The following ARPP21 variants were observed in gnomAD, a reference collection of about 807,000 sequenced individuals.
ARPP21 encodes cAMP regulated phosphoprotein 21, also known as cAMP-regulated phosphoprotein 21.
In ARPP21, 69 loss-of-function variants were observed where a neutral mutation model predicts 113.2. The observed-to-expected ratio is 0.61, with a 90% CI of 0.50 to 0.74. The LOEUF (loss-of-function observed/expected upper bound fraction) is 0.74. Among genes scored for constraint, ARPP21 ranks in the 30% least tolerant of loss-of-function variants. The pLI, the probability that ARPP21 is intolerant of heterozygous loss-of-function variation, is 0.00. For synonymous variants in ARPP21, 368 were observed against 375.5 expected, an observed-to-expected ratio of 0.98 and a Z score of 0.23; for missense variants, 1,070 against 1,037.4, an observed-to-expected ratio of 1.03 and a Z score of -0.43.
At chr3:35,773,544 A>G (rs2096268470) in intron 19 of ARPP21, among the ~76,000 whole-genome samples, 1 of 152,182 alleles carries the variant, frequency 6.6e-6, no homozygotes, top group Non-Finnish European at 1.5e-5. Flanking sequence ...CCCCTGAGAC[A>G]TCATTAGATG....
At chr3:35,765,322 A>G (rs2095927747) in intron 19 of ARPP21, among the ~76,000 whole-genome samples, 1 of 152,116 alleles carries the variant, frequency 6.6e-6, no homozygotes, top group Admixed American at 6.6e-5. Flanking sequence ...AGTGATAGCA[A>G]AGCTTGTTAG....
chr3:35,662,100 T>G (rs899700473), intron 1 of ARPP21, among the ~76,000 whole-genome samples: 2 of 152,146 alleles, frequency 1.3e-5, no homozygotes. Context: ...TAGGATGAGA[T>G]TTCAGGTGTA....
intron 15 of ARPP21, among the ~76,000 whole-genome samples, chr3:35,734,870 T>G (rs2150612957): frequency 6.6e-6 from 1 of 152,222 alleles, no homozygotes; most frequent in East Asian, 1.9e-4. Context: ...CTTAATAAAT[T>G]TTTGCGTATA....
chr3:35,777,519 C>G (rs1241223984), intron 19 of ARPP21, among the ~76,000 whole-genome samples: 1 of 152,184 alleles, frequency 6.6e-6, no homozygotes, highest in African/African-American at 2.4e-5. Flanking sequence ...TTAAATATCA[C>G]TTCATACTAT....
chr3:35,691,937 C>G (rs542899037), intron 9 of ARPP21, among the ~76,000 whole-genome samples: 1 of 151,572 alleles, frequency 6.6e-6, no homozygotes, highest in South Asian at 2.1e-4. Flanking sequence ...TTAAAATACT[C>G]TATATTTTCT....
chr3:35,716,424 A>G (rs1022035106), intron 12 of ARPP21, among the ~76,000 whole-genome samples: 7 of 152,120 alleles, frequency 4.6e-5, no homozygotes, highest in East Asian at 1.9e-4. Context: ...AAAAAATTCC[A>G]TCATTCATAT....
intron 3 of ARPP21, 125 bp from the exon 4 acceptor site, chr3:35,682,723 C>T: frequency 1.3e-6 from 1 of 769,826 alleles, no homozygotes; most frequent in Non-Finnish European, 2.0e-6. Flanking sequence ...TTATTATTGA[C>T]TTCTCTACTG....
chr3:35,718,911 A>G (rs764427338), intron 13 of ARPP21, among the ~76,000 whole-genome samples: 20 of 103,740 alleles, frequency 1.9e-4, no homozygotes, highest in Non-Finnish European at 2.6e-4. Context: ...AACCTGTGCA[A>G]AAAAAAAAAA....
Position 35,763,691 on chromosome 3 carries a change from A to T in ARPP21, c.2137+19726A>T, listed in dbSNP as rs933168152. Among the ~76,000 whole-genome samples the T allele has an allele frequency of 2.6e-5, 4 of 152,172 alleles. No individual in the cohort carries two copies. The South Asian group carries it at 8.3e-4, about 31-fold the overall frequency. On this transcript the variant is annotated intron_variant, in intron 19 of 20. Coordinates refer to ENST00000684406, the MANE Select transcript of ARPP21 (RefSeq NM_001385562.1). ...GTGCATTGATCTTGACTTTGAAGGC[A>T]TAACTGACTTTAGCGGCAGTTTAGA...
chr3:35,742,235 C>T (rs531055124), intron 18 of ARPP21, among the ~76,000 whole-genome samples: 126 of 152,180 alleles, frequency 8.3e-4, no homozygotes, highest in African/African-American at 2.5e-3. Flanking sequence ...AGGAACAAAA[C>T]GCTATTTCCT....
At chr3:35,715,507 A>T (rs750310067) in intron 12 of ARPP21, 31 bp downstream of exon 12, 1 of 1,573,130 alleles carries the variant, frequency 6.4e-7, no homozygotes, top group Non-Finnish European at 8.7e-7. Flanking sequence ...CCATGTCTTT[A>T]GAGGAACAAC....
Position 35,792,486 on chromosome 3 carries a change from G to A in ARPP21, c.2242G>A (p.Val748Met), listed in dbSNP as rs775615764. Residue 748 changes from valine (V) to methionine (M), a missense_variant, in exon 20 of 21, where the codon GTG (valine) becomes ATG (methionine). Physicochemically the swap from Val to Met is conservative, Grantham distance 21. Transcript: ENST00000684406. ...GATAAATAACCAACAAGGAACTCCG[G>A]TGCAAAGCGTGATGGTTTCCTACCC... Reference protein sequence around the residue: ...NVINNQQGTPVQSVMVSYPTM... With the variant: ...NVINNQQGTPMQSVMVSYPTM... 2 of 1,614,090 alleles carry A rather than the reference G, an allele frequency of 1.2e-6. No individual in the cohort carries two copies. Among genetic ancestry groups the A allele is most frequent in the Middle Eastern group, 1.6e-4 (1 of 6,062 alleles).
chr3:35,675,155 T>C (rs2077163235), intron 1 of ARPP21, among the ~76,000 whole-genome samples: 2 of 145,344 alleles, frequency 1.4e-5, no homozygotes, highest in Non-Finnish European at 2.9e-5. Context: ...ATTTGCATTT[T>C]TTTTTTAAAG....
intron 1 of ARPP21, among the ~76,000 whole-genome samples, chr3:35,654,701 A>T (rs1336324577): frequency 6.6e-6 from 1 of 152,036 alleles, no homozygotes. Flanking sequence ...GTGCAGGATC[A>T]GGGTGGCCTT....
At chr3:35,647,989 T>C (rs1700883059) in intron 1 of ARPP21, among the ~76,000 whole-genome samples, 1 of 152,198 alleles carries the variant, frequency 6.6e-6, no homozygotes, top group Non-Finnish European at 1.5e-5. Context: ...AGATTTACTT[T>C]TCTTACATTT....
intron 7 of ARPP21, among the ~76,000 whole-genome samples, chr3:35,689,835 A>T (rs1403537752): frequency 6.6e-6 from 1 of 151,618 alleles, no homozygotes; most frequent in Admixed American, 6.6e-5. Context: ...TAACATTAAG[A>T]CTACAAAATT....
intron 19 of ARPP21, among the ~76,000 whole-genome samples, chr3:35,791,198 C>G (rs1169991786): frequency 6.6e-6 from 1 of 152,158 alleles, no homozygotes; most frequent in African/African-American, 2.4e-5. Context: ...TATAAAGACT[C>G]TCAGAGGCAC....
chr3:35,665,052 A>G (rs1261996129), intron 1 of ARPP21, among the ~76,000 whole-genome samples: 5 of 152,322 alleles, frequency 3.3e-5, no homozygotes, highest in Admixed American at 6.5e-5. Flanking sequence ...TTGGAGGCCA[A>G]TGAATTTGCA....
chr3:35,776,898 C>CA (rs2096387233), intron 19 of ARPP21, among the ~76,000 whole-genome samples: 1 of 152,140 alleles, frequency 6.6e-6, no homozygotes, highest in South Asian at 2.1e-4. Flanking sequence ...TGACCTTCCA[C>CA]TCCCTGCTGT....
Sources: allele counts gnomAD v4.1 joint callset (sites outside exome capture counted in the v4.1 genomes callset), GRCh38; gene constraint gnomAD v4.1.1; transcripts MANE v1.5; gene names NCBI Gene and HGNC (gene_info 2026-07-23, HGNC 2026-07-21).